The following EPN3 variants were observed in gnomAD, a reference collection of about 807,000 sequenced individuals.
EPN3 encodes the protein epsin-3.
EPN3 carries 56 observed loss-of-function variants against 55.5 expected under a neutral mutation model. The observed-to-expected ratio is 1.01, with a 90% CI of 0.81 to 1.26. The LOEUF (loss-of-function observed/expected upper bound fraction) is 1.26, where lower values mean the gene tolerates loss of function less well. Among genes scored for constraint, EPN3 ranks in the 50% most tolerant of loss-of-function variants. The pLI, the probability that EPN3 is intolerant of heterozygous loss-of-function variation, is 0.00. For synonymous variants in EPN3, 449 were observed against 375.2 expected, an observed-to-expected ratio of 1.20 and a Z score of -2.27; for missense variants, 927 against 853.4, an observed-to-expected ratio of 1.09 and a Z score of -1.07.
In EPN3 at chr17:50,542,109, C is replaced by G. The variant is rs372216303; in HGVS notation, c.1851C>G (p.Ala617=). 3 of 1,539,488 alleles carry G rather than the reference C, an allele frequency of 1.9e-6. No homozygotes were observed. Among genetic ancestry groups the G allele is most frequent in the Non-Finnish European group, 1.7e-6 (2 of 1,152,854 alleles). The stretch of plus-strand genomic sequence containing the variant: ...CGCTGCTGCCCACGCCGAGCTCAGC[C>G]GGGCCGCGGCCCCCGCCCCCGCAGA... ...PQPLLPTPSS[A]GPRPPPPQTG... is the part of the protein sequence containing the mutation. Residue 617 remains alanine (A), a synonymous_variant, in exon 10 of 10, where the codon GCC becomes GCG. Transcript: ENST00000268933.
chr17:50,540,319 C>T lies in EPN3; in HGVS notation c.964C>T (p.Pro322Ser), dbSNP rs1567905065. The T allele has an allele frequency of 6.2e-7, 1 of 1,611,738 alleles. No individual in the cohort carries two copies. Among genetic ancestry groups the T allele is most frequent in the Non-Finnish European group, 8.5e-7 (1 of 1,179,832 alleles). ...APPSTHCSAD[P>S]WDIPGFRPNT... ...GCCCTCCACACACTGCTCTGCTGAC[C>T]CATGGGACATCCCAGGTGGGCATGC... The change falls in exon 6 of 10, where the codon CCA becomes TCA. Residue 322 changes from proline to serine, a missense_variant. Coordinates refer to ENST00000268933, the MANE Select transcript of EPN3 (RefSeq NM_017957.3).
At position 50,542,409 on chromosome 17, in the gene EPN3, G is replaced by A; in HGVS notation, c.*252G>A. 1 of 434,336 alleles carries A rather than the reference G, an allele frequency of 2.3e-6. No homozygotes were observed. The highest frequency in any genetic ancestry group is 3.9e-5 in the South Asian group (1 of 25,388). 26.9% of individuals were successfully genotyped at this position (434,336 alleles called of 1,614,324 possible). On this transcript the variant is annotated 3_prime_UTR_variant, in exon 10 of 10. Transcript: ENST00000268933. ...ACTTTTTGCGGGGTGTGGCGGCCGG[G>A]TCTCGACCACAGCGTGGATCACCGG...
Position 50,542,063 on chromosome 17 carries a change from C to A in EPN3, c.1805C>A (p.Ala602Asp), listed in dbSNP as rs1236749184. The change falls in exon 10 of 10, where the codon GCC (alanine) becomes GAC (aspartate). Residue 602 changes from alanine to aspartate, a missense_variant. By Grantham distance (126) the Ala-to-Asp change is moderately radical. Transcript: ENST00000268933. ...LPASVSVFPQ[A>D]GAFAPQPLLP... is the part of the protein sequence containing the mutation. ...GCCTCGGTTAGCGTCTTCCCGCAGGCCGGAGCCTTCGCACCGCAGCCGCTG... is the reference window on the plus strand; with the variant it reads ...GCCTCGGTTAGCGTCTTCCCGCAGGACGGAGCCTTCGCACCGCAGCCGCTG... 3.8e-6 allele frequency: 6 copies of A among 1,589,636 alleles called. No individual in the cohort carries two copies. Among genetic ancestry groups the A allele is most frequent in the Non-Finnish European group, 5.1e-6 (6 of 1,176,634 alleles).
chr17:50,539,928 G>T (rs1466377954), intron 5 of EPN3, among the ~76,000 whole-genome samples: 1 of 152,182 alleles, frequency 6.6e-6, no homozygotes, highest in East Asian at 1.9e-4. Flanking sequence ...TGCTGGCCTG[G>T]ATTCTATCCC....
intron 4 of EPN3, 45 bp from the exon 5 acceptor site, chr17:50,539,142 C>G (rs200304851): frequency 7.5e-6 from 12 of 1,610,190 alleles, no homozygotes; most frequent in South Asian, 1.1e-5. Flanking sequence ...CCCGGATTCC[C>G]GCCTGAGCTG....
rs74678285 is a variant in EPN3, at chr17:50,537,010, G to A, written c.454G>A (p.Glu152Lys). Reference sequence around the variant, plus strand: ...GCGAACCCACGCCCTCAAGACCAAGGAGCGCATGGCACTGGAGGGCATCGG... The same window carrying A: ...GCGAACCCACGCCCTCAAGACCAAGAAGCGCATGGCACTGGAGGGCATCGG... ...QERTHALKTK[E>K]RMALEGIGIG... The change falls in exon 2 of 10, where the codon GAG becomes AAG. Residue 152 changes from glutamate (E) to lysine (K), a missense_variant. Transcript: ENST00000268933. 919 of 1,613,500 alleles carry A rather than the reference G, an allele frequency of 5.7e-4. 7 individuals carry two copies. In the African/African-American group the frequency reaches 9.4e-3, roughly 17 times the overall value.
At position 50,536,861 on chromosome 17, in the gene EPN3, C is replaced by T; in HGVS notation, c.305C>T (p.Thr102Ile). 3 of 1,614,172 alleles carry T rather than the reference C, an allele frequency of 1.9e-6. No homozygotes were observed. The highest frequency in any genetic ancestry group is 2.5e-6 in the Non-Finnish European group (3 of 1,180,040). ...VAHQCRENLY[T>I]IQTLKDFQYI... The stretch of plus-strand genomic sequence containing the variant: ...CACCAGTGCCGCGAGAACCTCTACA[C>T]CATCCAGACACTCAAGGACTTCCAG... Residue 102 changes from threonine (T) to isoleucine (I), a missense_variant, in exon 2 of 10, where the codon ACC (threonine) becomes ATC (isoleucine). Thr to Ile is a moderately conservative substitution (Grantham distance 89). Coordinates refer to ENST00000268933, the MANE Select transcript of EPN3 (RefSeq NM_017957.3).
intron 7 of EPN3, 31 bp downstream of exon 7, chr17:50,541,093 G>A (rs2034842585): frequency 6.4e-7 from 1 of 1,569,120 alleles, no homozygotes; most frequent in East Asian, 2.2e-5. Flanking sequence ...TGTGAGTGAG[G>A]AGCTGGGGGA....
rs777786562 is a variant in EPN3, at chr17:50,540,905, T to G, written c.1092T>G (p.Thr364=). The change falls in exon 7 of 10, where the codon ACT becomes ACG. Residue 364 remains threonine, a synonymous_variant. Coordinates refer to ENST00000268933, the MANE Select transcript of EPN3 (RefSeq NM_017957.3). The part of the protein sequence containing the change: ...VLSRSQPWDL[T]PMLSSSEPWG... ...CCCGAAGCCAGCCCTGGGATCTGACTCCCATGCTCTCCTCCTCTGAGCCCT... is the reference window on the plus strand; with the variant it reads ...CCCGAAGCCAGCCCTGGGATCTGACGCCCATGCTCTCCTCCTCTGAGCCCT... The G allele has an allele frequency of 1.2e-6, 2 of 1,614,106 alleles. No homozygotes were observed. The highest frequency in any genetic ancestry group is 4.5e-5 in the East Asian group (2 of 44,866).
chr17:50,539,986 C>T (rs2034822393), intron 5 of EPN3, among the ~76,000 whole-genome samples: 1 of 152,178 alleles, frequency 6.6e-6, no homozygotes. Flanking sequence ...CCCATTCCAC[C>T]CTCTGTGCGC....
rs201677138 is a variant in EPN3 at position 50,540,813 on chromosome 17, G to A, written c.1000G>A (p.Ala334Thr). The A allele has an allele frequency of 7.6e-5, 122 of 1,611,886 alleles. No homozygotes were observed. The highest frequency in any genetic ancestry group is 9.6e-5 in the Non-Finnish European group (113 of 1,178,564). Residue 334 changes from alanine to threonine, a missense_variant, in exon 7 of 10, where the codon GCC becomes ACC. By Grantham distance (58) the Ala-to-Thr change is moderately conservative. Coordinates refer to ENST00000268933, the MANE Select transcript of EPN3 (RefSeq NM_017957.3). ...TTCAGGTTTTAGGCCGAACACAGAG[G>A]CCAGTGGATCCTCCTGGGGGCCTTC... The part of the protein sequence containing the change: ...DIPGFRPNTE[A>T]SGSSWGPSAD...
At chr17:50,539,568 C>CT (rs1337999280) in intron 5 of EPN3, among the ~76,000 whole-genome samples, 1 of 152,198 alleles carries the variant, frequency 6.6e-6, no homozygotes, top group Non-Finnish European at 1.5e-5. Context: ...GCCACTTACT[C>CT]TATGACTTGG....
intron 8 of EPN3, 55 bp downstream of exon 8, chr17:50,541,388 C>T: frequency 1.2e-6 from 2 of 1,605,870 alleles, no homozygotes; most frequent in Non-Finnish European, 1.7e-6. Flanking sequence ...CCACCCCGAG[C>T]AGCCTCTGTC....
chr17:50,540,020 G>T (rs2034822776), intron 5 of EPN3, among the ~76,000 whole-genome samples: 2 of 152,178 alleles, frequency 1.3e-5, no homozygotes, highest in South Asian at 4.1e-4. Flanking sequence ...CATAAAATGG[G>T]TACATCATCT....
intron 3 of EPN3, chr17:50,538,455 C>T: frequency 1.9e-6 from 1 of 525,654 alleles, no homozygotes; most frequent in East Asian, 3.1e-5. Context: ...TGCCTGCTAC[C>T]ACCTCATGGT....
rs139367693 is a variant in EPN3, at chr17:50,536,630, G to A, written c.74G>A (p.Arg25His). 295 of 1,614,088 alleles carry A rather than the reference G, an allele frequency of 1.8e-4. No individual in the cohort carries two copies. Among genetic ancestry groups the A allele is most frequent in the Non-Finnish European group, 2.4e-4 (278 of 1,180,022 alleles). ...HNYSEAEIKV[R>H]EATSNDPWGP... ...TACTCCGAGGCAGAAATCAAGGTGC[G>A]CGAGGCCACCAGCAATGACCCCTGG... Residue 25 changes from arginine to histidine, a missense_variant, in exon 2 of 10, where the codon CGC (arginine) becomes CAC (histidine). Physicochemically the swap from Arg to His is conservative, Grantham distance 29 (BLOSUM62 0). Transcript: ENST00000268933.
chr17:50,534,557 T>C, intron 1 of EPN3: 1 of 985,378 alleles, frequency 1.0e-6, no homozygotes, highest in Non-Finnish European at 1.2e-6. Context: ...TCTGAGTCAC[T>C]AGCAAGGGGG....
rs745620029 is a variant in EPN3, at chr17:50,541,648, G to A, written c.1539G>A (p.Leu513=). The A allele has an allele frequency of 6.2e-7, 1 of 1,614,108 alleles. No homozygotes were observed. The highest frequency in any genetic ancestry group is 1.1e-5 in the South Asian group (1 of 91,086). Residue 513 remains leucine (L), a synonymous_variant, in exon 9 of 10, where the codon TTG becomes TTA. Transcript: ENST00000268933. ...SASSLVNLDS[L]VKAPQVAKTR... is the part of the protein sequence containing the mutation. ...CCTCCTTGGTCAACCTTGACTCGTT[G>A]GTCAAGGCACCCCAGGTTGCAAAGA...
At chr17:50,535,369 T>C (rs775366709) in intron 1 of EPN3, among the ~76,000 whole-genome samples, 5 of 152,232 alleles carry the variant, frequency 3.3e-5, no homozygotes, top group Admixed American at 6.5e-5. Context: ...TGCCATATGA[T>C]GCAGGCAGGT....
Sources: allele counts gnomAD v4.1 joint callset (sites outside exome capture counted in the v4.1 genomes callset), GRCh38; gene constraint gnomAD v4.1.1; transcripts MANE v1.5; gene names NCBI Gene and HGNC (gene_info 2026-07-23, HGNC 2026-07-21).